GTF2H4: variants seen among roughly 807,000 people sequenced by gnomAD.
GTF2H4 encodes the protein general transcription factor IIH subunit 4.
A neutral mutation model predicts 62.2 loss-of-function variants in GTF2H4; 49 were observed. The ratio of observed to expected loss-of-function variants is 0.79; its 90% CI spans 0.63 to 1.00. GTF2H4 has a LOEUF of 1.00. Among genes scored for constraint, GTF2H4 ranks in the 50% least tolerant of loss-of-function variants. The probability of loss-of-function intolerance (pLI) is 0.00; values close to 1 mark genes in which losing one functional copy is unlikely to be tolerated. For synonymous variants in GTF2H4, 189 were observed against 233.8 expected (o/e 0.81, Z 1.75); for missense variants, 479 against 587.8 (o/e 0.81, Z 1.91).
chr6:30,910,461 C>T lies in GTF2H4; in HGVS notation c.375-204C>T. The T allele has an allele frequency of 3.2e-6, 2 of 617,854 alleles. No individual in the cohort carries two copies. Among genetic ancestry groups the T allele is most frequent in the East Asian group, 5.6e-5 (2 of 35,650 alleles). The allele number at this position is 617,854 out of a possible 1,614,324, so 38.3% of individuals were successfully genotyped here. A position where few individuals can be genotyped will look rare whatever the true frequency, so the allele number is the denominator to read the frequency against. On this transcript the variant is annotated intron_variant, in intron 4 of 13. Coordinates refer to ENST00000259895, the MANE Select transcript of GTF2H4 (RefSeq NM_001517.5). The surrounding 1 kb of genome is among the most constrained non-coding windows in gnomAD (Gnocchi z 4.7). ...TCTCCTGCCTCAGCCTCCTGAGTAG[C>T]TGGGATTACAGGCACCCACCACGAC... is the stretch of plus-strand genomic sequence containing the variant.
In GTF2H4 at chr6:30,911,292, C is replaced by T. The variant is rs928301824; in HGVS notation, c.672+23C>T. ...CAGGTGAGGAGGCAGGGCCACTTAA[C>T]CAGCATGCTCTGCTCCTCTCAGGTC... On this transcript the variant is annotated intron_variant, in intron 7 of 13. Coordinates refer to ENST00000259895, the MANE Select transcript of GTF2H4 (RefSeq NM_001517.5). The surrounding 1 kb of genome is among the most constrained non-coding windows in gnomAD (Gnocchi z 4.3). 4 of 1,570,906 alleles carry T rather than the reference C, an allele frequency of 2.5e-6. No individual in the cohort carries two copies. Among genetic ancestry groups the T allele is most frequent in the Non-Finnish European group, 3.5e-6 (4 of 1,141,920 alleles).
Position 30,914,022 on chromosome 6 carries a change from T to TG in GTF2H4, c.*42dup. 1.4e-6 allele frequency: 1 copy of TG among 698,682 alleles called. No individual in the cohort carries two copies. Among genetic ancestry groups the TG allele is most frequent in the Non-Finnish European group, 2.4e-6 (1 of 411,942 alleles). 43.3% of individuals were successfully genotyped at this position (698,682 alleles called of 1,614,324 possible). A position where few individuals can be genotyped will look rare whatever the true frequency, so the allele number is the denominator to read the frequency against. On this transcript the variant is annotated 3_prime_UTR_variant, in exon 14 of 14. Coordinates refer to ENST00000259895, the MANE Select transcript of GTF2H4 (RefSeq NM_001517.5). The stretch of plus-strand genomic sequence containing the variant: ...GGACACGGACCTCGGCGGGCGGGAC[T>TG]GGGCGGGGCGGGGCATCAGAACTCA...
chr6:30,910,854 T>G lies in GTF2H4; in HGVS notation c.473T>G (p.Val158Gly). The G allele has an allele frequency of 6.2e-7, 1 of 1,612,126 alleles. No homozygotes were observed. Among genetic ancestry groups the G allele is most frequent in the Non-Finnish European group, 8.5e-7 (1 of 1,179,540 alleles). ...TCCCTGTTCTCTTCTGTTCTTCAGG[T>G]GGTCTTGCACTTCATGGTGGGCTCC... The part of the protein sequence containing the change: ...LDKYAEERWE[V>G]VLHFMVGSPS... The change falls in exon 6 of 14, where the codon GTG (valine) becomes GGG (glycine). Residue 158 changes from valine (V) to glycine (G), a missense_variant and splice_region_variant. By Grantham distance (109) the Val-to-Gly change is moderately radical (BLOSUM62 -3). Coordinates refer to ENST00000259895, the MANE Select transcript of GTF2H4 (RefSeq NM_001517.5). This position sits in a 1 kb window ranked among gnomAD's most constrained non-coding sequence, Gnocchi z 4.7.
At position 30,909,345 on chromosome 6, in the gene GTF2H4, T is replaced by A; in HGVS notation, c.138-90T>A. On this transcript the variant is annotated intron_variant, in intron 2 of 13. Coordinates refer to ENST00000259895, the MANE Select transcript of GTF2H4 (RefSeq NM_001517.5). This position sits in a 1 kb window ranked among gnomAD's most constrained non-coding sequence, Gnocchi z 4.3. ...CAGGACTGGTAAAGTTGTGCTGGAG[T>A]GAGATGAGATGTTTGAGAGGTAATT... 1 of 1,210,148 alleles carries A rather than the reference T, an allele frequency of 8.3e-7. No homozygotes were observed. The allele number at this position is 1,210,148 out of a possible 1,614,324, so 75.0% of individuals were successfully genotyped here. A position where few individuals can be genotyped will look rare whatever the true frequency, so the allele number is the denominator to read the frequency against.
chr6:30,913,298 G>A lies in GTF2H4; in HGVS notation c.1138-11G>A, dbSNP rs767411447. ...TTCTGAGTCCCTACAGTCAACCCTT[G>A]CTCCTTGCAGACACCTGTGCTGCCC... On this transcript the variant is annotated splice_polypyrimidine_tract_variant and intron_variant, in intron 12 of 13. Transcript: ENST00000259895. The surrounding 1 kb of genome is among the most constrained non-coding windows in gnomAD (Gnocchi z 4.2). The A allele has an allele frequency of 1.2e-6, 2 of 1,613,940 alleles. No individual in the cohort carries two copies.
rs770408409 is a variant in GTF2H4, at chr6:30,913,438, G to T, written c.1216+51G>T. The T allele has an allele frequency of 3.5e-5, 56 of 1,584,062 alleles. No individual in the cohort carries two copies. The African/African-American group carries it at 5.8e-4, about 16-fold the overall frequency. ...TTGGTCATTGGCCAGAGAAAGGGCA[G>T]ACAGTTCAGTCTGCATTTTATTTTT... is the stretch of plus-strand genomic sequence containing the variant. On this transcript the variant is annotated intron_variant, in intron 13 of 13. Transcript: ENST00000259895. This position sits in a 1 kb window ranked among gnomAD's most constrained non-coding sequence, Gnocchi z 4.2.
In GTF2H4 at chr6:30,911,656, A is replaced by G; in HGVS notation, c.742-28A>G. On this transcript the variant is annotated intron_variant, in intron 8 of 13. Transcript: ENST00000259895. This position sits in a 1 kb window ranked among gnomAD's most constrained non-coding sequence, Gnocchi z 4.3. ...TGGGGGTGGGTGGGTTGTGTTTTGG[A>G]CCCCAGCTGGAAACCTCTGTTCCTC... 6.3e-7 allele frequency: 1 copy of G among 1,586,708 alleles called. No individual in the cohort carries two copies. Among genetic ancestry groups the G allele is most frequent in the Non-Finnish European group, 8.6e-7 (1 of 1,156,208 alleles).
Position 30,912,295 on chromosome 6 carries a change from G to A in GTF2H4, c.959-33G>A, listed in dbSNP as rs3218818. On this transcript the variant is annotated intron_variant, in intron 10 of 13. Coordinates refer to ENST00000259895, the MANE Select transcript of GTF2H4 (RefSeq NM_001517.5). The surrounding 1 kb of genome is among the most constrained non-coding windows in gnomAD (Gnocchi z 4.8). ...CTTGAGGGAGTCTGGGTGTGGGGGT[G>A]GCCTCCTCATCCTCTTTCTATCCCT... 6,888 of 1,611,382 alleles carry A rather than the reference G, an allele frequency of 4.3e-3. 25 individuals are homozygous for A. Among genetic ancestry groups the A allele is most frequent in the Middle Eastern group, 0.011 (66 of 6,062 alleles).
Position 30,910,642 on chromosome 6 carries a change from C to T in GTF2H4, c.375-23C>T. On this transcript the variant is annotated intron_variant, in intron 4 of 13. Coordinates refer to ENST00000259895, the MANE Select transcript of GTF2H4 (RefSeq NM_001517.5). The surrounding 1 kb of genome is among the most constrained non-coding windows in gnomAD (Gnocchi z 4.7). ...CACTGCGCCTGGCCAGGGTTCCTTA[C>T]TCTTGGCCCATCCTGGCCGTAGGGG... The T allele has an allele frequency of 6.3e-7, 1 of 1,582,008 alleles. No individual in the cohort carries two copies. The highest frequency in any genetic ancestry group is 8.7e-7 in the Non-Finnish European group (1 of 1,152,060).
In GTF2H4 at chr6:30,911,643, G is replaced by A. The variant is rs748183205; in HGVS notation, c.742-41G>A. On this transcript the variant is annotated intron_variant, in intron 8 of 13. Transcript: ENST00000259895. The surrounding 1 kb of genome is among the most constrained non-coding windows in gnomAD (Gnocchi z 4.3). Reference sequence around the variant, plus strand: ...GAATGTATGGGGTTGGGGGTGGGTGGGTTGTGTTTTGGACCCCAGCTGGAA... The same window carrying A: ...GAATGTATGGGGTTGGGGGTGGGTGAGTTGTGTTTTGGACCCCAGCTGGAA... 2.7e-6 allele frequency: 4 copies of A among 1,489,400 alleles called. No homozygotes were observed. Among genetic ancestry groups the A allele is most frequent in the Non-Finnish European group, 3.7e-6 (4 of 1,067,020 alleles). The allele number at this position is 1,489,400 out of a possible 1,614,324, so 92.3% of individuals were successfully genotyped here. A position where few individuals can be genotyped will look rare whatever the true frequency, so the allele number is the denominator to read the frequency against.
chr6:30,912,453 C>T lies in GTF2H4; in HGVS notation c.1084C>T (p.Gln362Ter). 6.2e-7 allele frequency: 1 copy of T among 1,612,304 alleles called. No individual in the cohort carries two copies. The highest frequency in any genetic ancestry group is 8.5e-7 in the Non-Finnish European group (1 of 1,180,016). The change falls in exon 11 of 14, where the codon CAG becomes TAG. Residue 362 changes from glutamine (Q) to a stop codon, truncating the protein, a stop_gained. Transcript: ENST00000259895. LOFTEE classifies it high-confidence loss of function. This position sits in a 1 kb window ranked among gnomAD's most constrained non-coding sequence, Gnocchi z 4.8. ...QQAIASGITA[Q>*]QIIHFLRTRA... ...GGCAATCGCCAGTGGCATCACAGCC[C>T]AGCAGGTATTCCCACTTGGGAGAGG...
At position 30,912,070 on chromosome 6, in the gene GTF2H4, C is replaced by T; in HGVS notation, c.882C>T (p.Val294=). The stretch of plus-strand genomic sequence containing the variant: ...TGGCCATCAATCTCTCATCAGGTGT[C>T]TCTGGAGCTGGGGGCACTGTGCATC... ...TRLAINLSSG[V]SGAGGTVHQP... Residue 294 remains valine (V), a synonymous_variant, in exon 10 of 14, where the codon GTC becomes GTT. Transcript: ENST00000259895. The surrounding 1 kb of genome is among the most constrained non-coding windows in gnomAD (Gnocchi z 4.8). 1.2e-6 allele frequency: 2 copies of T among 1,612,944 alleles called. No individual in the cohort carries two copies. The highest frequency in any genetic ancestry group is 1.7e-6 in the Non-Finnish European group (2 of 1,179,976).
rs1793796610 is a variant in GTF2H4 at position 30,912,269 on chromosome 6, G to A, written c.959-59G>A. On this transcript the variant is annotated intron_variant, in intron 10 of 13. Coordinates refer to ENST00000259895, the MANE Select transcript of GTF2H4 (RefSeq NM_001517.5). The surrounding 1 kb of genome is among the most constrained non-coding windows in gnomAD (Gnocchi z 4.8). The stretch of plus-strand genomic sequence containing the variant: ...ATTTCTCATGACACTTGAAAGAAGG[G>A]CTTGAGGGAGTCTGGGTGTGGGGGT... The A allele has an allele frequency of 6.2e-7, 1 of 1,607,108 alleles. No individual in the cohort carries two copies. The highest frequency in any genetic ancestry group is 1.3e-5 in the African/African-American group (1 of 74,816).
At position 30,912,306 on chromosome 6, in the gene GTF2H4, C is replaced by T. The variant is rs202050900; in HGVS notation, c.959-22C>T. On this transcript the variant is annotated intron_variant, in intron 10 of 13. Coordinates refer to ENST00000259895, the MANE Select transcript of GTF2H4 (RefSeq NM_001517.5). The surrounding 1 kb of genome is among the most constrained non-coding windows in gnomAD (Gnocchi z 4.8). ...CTGGGTGTGGGGGTGGCCTCCTCATCCTCTTTCTATCCCTGGCTCAGAGTC... is the reference window on the plus strand; with the variant it reads ...CTGGGTGTGGGGGTGGCCTCCTCATTCTCTTTCTATCCCTGGCTCAGAGTC... The T allele has an allele frequency of 1.9e-4, 308 of 1,612,310 alleles. No homozygotes were observed. The highest frequency in any genetic ancestry group is 2.5e-4 in the Non-Finnish European group (291 of 1,179,706).
chr6:30,912,316 T>C lies in GTF2H4; in HGVS notation c.959-12T>C, dbSNP rs1293517778. On this transcript the variant is annotated splice_polypyrimidine_tract_variant and intron_variant, in intron 10 of 13. Coordinates refer to ENST00000259895, the MANE Select transcript of GTF2H4 (RefSeq NM_001517.5). This position sits in a 1 kb window ranked among gnomAD's most constrained non-coding sequence, Gnocchi z 4.8. ...GGGTGGCCTCCTCATCCTCTTTCTA[T>C]CCCTGGCTCAGAGTCGGAGCTGCAG... is the stretch of plus-strand genomic sequence containing the variant. The C allele has an allele frequency of 6.2e-7, 1 of 1,612,858 alleles. No individual in the cohort carries two copies. Among genetic ancestry groups the C allele is most frequent in the Non-Finnish European group, 8.5e-7 (1 of 1,179,964 alleles).
At position 30,910,098 on chromosome 6, in the gene GTF2H4, G is replaced by A. The variant is rs1253983998; in HGVS notation, c.374+35G>A. ...TTCTCTCTCTTCCTAAGCTAGGGCAGGGGAACTGCTGCTTATTAAACCACT... is the reference window on the plus strand; with the variant it reads ...TTCTCTCTCTTCCTAAGCTAGGGCAAGGGAACTGCTGCTTATTAAACCACT... On this transcript the variant is annotated intron_variant, in intron 4 of 13. Transcript: ENST00000259895. The surrounding 1 kb of genome is among the most constrained non-coding windows in gnomAD (Gnocchi z 4.7). 3 of 1,606,138 alleles carry A rather than the reference G, an allele frequency of 1.9e-6. No individual in the cohort carries two copies. The highest frequency in any genetic ancestry group is 1.7e-4 in the Middle Eastern group (1 of 6,036).
Position 30,911,632 on chromosome 6 carries a change from G to A in GTF2H4, c.742-52G>A. On this transcript the variant is annotated intron_variant, in intron 8 of 13. Coordinates refer to ENST00000259895, the MANE Select transcript of GTF2H4 (RefSeq NM_001517.5). This position sits in a 1 kb window ranked among gnomAD's most constrained non-coding sequence, Gnocchi z 4.3. Reference sequence around the variant, plus strand: ...AAAGAAAGAATGAATGTATGGGGTTGGGGGTGGGTGGGTTGTGTTTTGGAC... The same window carrying A: ...AAAGAAAGAATGAATGTATGGGGTTAGGGGTGGGTGGGTTGTGTTTTGGAC... 7.1e-7 allele frequency: 1 copy of A among 1,407,988 alleles called. No individual in the cohort carries two copies. Among genetic ancestry groups the A allele is most frequent in the Non-Finnish European group, 1.0e-6 (1 of 992,772 alleles). The allele number at this position is 1,407,988 out of a possible 1,614,324, so 87.2% of individuals were successfully genotyped here. A position where few individuals can be genotyped will look rare whatever the true frequency, so the allele number is the denominator to read the frequency against.
At position 30,913,875 on chromosome 6, in the gene GTF2H4, G is replaced by T. The variant is rs1582163463; in HGVS notation, c.1281G>T (p.Glu427Asp). Residue 427 changes from glutamate (E) to aspartate (D), a missense_variant, in exon 14 of 14, where the codon GAG (glutamate) becomes GAT (aspartate). Physicochemically the swap from Glu to Asp is conservative, Grantham distance 45 (BLOSUM62 2). Transcript: ENST00000259895. The surrounding 1 kb of genome is among the most constrained non-coding windows in gnomAD (Gnocchi z 4.2). The stretch of plus-strand genomic sequence containing the variant: ...AGCTGCTGCTGGCCCACGCGCGGGA[G>T]CTGGGCGTGCTCGTGTTCGAGAACT... ...DFELLLAHAR[E>D]LGVLVFENSA... The T allele has an allele frequency of 1.2e-6, 2 of 1,608,602 alleles. No homozygotes were observed. The highest frequency in any genetic ancestry group is 1.7e-6 in the Non-Finnish European group (2 of 1,177,918).
In GTF2H4 at chr6:30,908,230, C is replaced by T. The variant is rs1193491850; in HGVS notation, c.-177C>T. 6.5e-6 allele frequency: 1 copy of T among 153,156 alleles called. No homozygotes were observed. The highest frequency in any genetic ancestry group is 2.4e-5 in the African/African-American group (1 of 41,470). 9.5% of individuals were successfully genotyped at this position (153,156 alleles called of 1,614,324 possible). ...CCACTCCTCCCCTTACCTCCCTTCT[C>T]TTCTGAATTCTCCATTCTGGGCTCT... On this transcript the variant is annotated 5_prime_UTR_variant, in exon 1 of 14. Transcript: ENST00000259895.
Sources: gnomAD v4.1 joint callset for allele counts on GRCh38, gnomAD v4.1.1 for gene constraint, Gnocchi (gnomAD v3.1) non-coding constraint, MANE v1.5 for transcripts, NCBI Gene and HGNC (gene_info 2026-07-23, HGNC 2026-07-21) for gene names.